SPART: variants seen among roughly 807,000 people sequenced by gnomAD.
SPART encodes the protein spartin.
Under a neutral mutation model 58.7 loss-of-function variants are expected in SPART, and 35 were observed. The ratio of observed to expected loss-of-function variants is 0.60; its 90% CI spans 0.46 to 0.79. The LOEUF is 0.79. SPART is among the 30% of genes least tolerant of loss of function. SPART has a pLI of 0.00. For synonymous variants in SPART, 284 were observed against 280.7 expected (o/e 1.01, Z -0.12); for missense variants, 730 against 786.1 (o/e 0.93, Z 0.85).
At chr13:36,324,842 C>G (rs1882755601) in intron 5 of SPART, among the ~76,000 whole-genome samples, 1 of 152,072 alleles carries the variant, frequency 6.6e-6, no homozygotes, top group Non-Finnish European at 1.5e-5. Flanking sequence ...AGGAAAATTA[C>G]AGTCAAAGGG....
At chr13:36,332,266 G>GT (rs909747542) in intron 2 of SPART, among the ~76,000 whole-genome samples, 35 of 152,314 alleles carry the variant, frequency 2.3e-4, no homozygotes, top group African/African-American at 8.2e-4. Flanking sequence ...CCAAGGAGAG[G>GT]TGGGGGGATT....
chr13:36,326,714 G>A lies in SPART; in HGVS notation c.1165-16C>T. On this transcript the variant is annotated splice_polypyrimidine_tract_variant and intron_variant, in intron 4 of 8. Coordinates refer to ENST00000438666, the MANE Select transcript of SPART (RefSeq NM_015087.5). ...TATCTTTAGCCTAAACAGTAAAAAT[G>A]TTTCAAAATGTGAAGAGTTAGTACT... The A allele has an allele frequency of 6.2e-7, 1 of 1,611,672 alleles. No homozygotes were observed. Among genetic ancestry groups the A allele is most frequent in the Non-Finnish European group, 8.5e-7 (1 of 1,179,478 alleles).
intron 3 of SPART, among the ~76,000 whole-genome samples, chr13:36,330,656 C>T (rs1883376804): frequency 6.6e-6 from 1 of 152,146 alleles, no homozygotes; most frequent in African/African-American, 2.4e-5. Flanking sequence ...CTTGCTACAA[C>T]AATATATAAA....
chr13:36,306,769 A>C (rs2137270281), intron 8 of SPART, among the ~76,000 whole-genome samples: 1 of 152,360 alleles, frequency 6.6e-6, no homozygotes, highest in South Asian at 2.1e-4. Flanking sequence ...CAGAATATTC[A>C]GAAAACTAGA....
At chr13:36,348,043 C>G (rs764684915), upstream of SPART, among the ~76,000 whole-genome samples, 2 of 152,066 alleles carry the variant, frequency 1.3e-5, no homozygotes, top group Non-Finnish European at 2.9e-5. Flanking sequence ...CCCAGCTACT[C>G]CAGAGGCCGA....
intron 1 of SPART, among the ~76,000 whole-genome samples, chr13:36,342,837 T>C (rs115681752): frequency 0.013 from 1,941 of 152,320 alleles, 46 homozygotes; most frequent in African/African-American, 0.044. Flanking sequence ...TACTTCTCAC[T>C]AAACTGATCT....
At chr13:36,337,670 G>C (rs1884151619) in intron 1 of SPART, among the ~76,000 whole-genome samples, 1 of 152,132 alleles carries the variant, frequency 6.6e-6, no homozygotes, top group Admixed American at 6.5e-5. Flanking sequence ...CCAGTCTTGG[G>C]CAGTTCTTTA....
At chr13:36,305,904 C>G (rs766378028) in intron 8 of SPART, among the ~76,000 whole-genome samples, 5 of 152,138 alleles carry the variant, frequency 3.3e-5, no homozygotes, top group Non-Finnish European at 5.9e-5. Flanking sequence ...ATCTGGACAT[C>G]TTATATAACA....
At chr13:36,320,781 A>T (rs1882296997) in intron 5 of SPART, among the ~76,000 whole-genome samples, 1 of 152,184 alleles carries the variant, frequency 6.6e-6, no homozygotes, top group Non-Finnish European at 1.5e-5. Context: ...AGGCCACTGC[A>T]GTCATTTCTT....
Position 36,304,312 on chromosome 13 carries a change from C to T in SPART, c.*53G>A. The T allele has an allele frequency of 1.2e-6, 2 of 1,610,334 alleles. No homozygotes were observed. Among genetic ancestry groups the T allele is most frequent in the Non-Finnish European group, 8.5e-7 (1 of 1,177,404 alleles). On this transcript the variant is annotated 3_prime_UTR_variant, in exon 9 of 9. Coordinates refer to ENST00000438666, the MANE Select transcript of SPART (RefSeq NM_015087.5). ...AGGAATTCCACATTTGCCTATTTAA[C>T]AAAATTTCATCCATTTCATAAGGCT... is the stretch of plus-strand genomic sequence containing the variant.
intron 8 of SPART, among the ~76,000 whole-genome samples, chr13:36,307,382 T>G (rs1470652939): frequency 6.6e-6 from 1 of 152,112 alleles, no homozygotes; most frequent in Non-Finnish European, 1.5e-5. Flanking sequence ...TACCCCTTCA[T>G]CCAGTGCAAA....
chr13:36,323,975 G>GAGACCT (rs1882667288), intron 5 of SPART, among the ~76,000 whole-genome samples: 1 of 152,182 alleles, frequency 6.6e-6, no homozygotes, highest in Non-Finnish European at 1.5e-5. Flanking sequence ...AATCTACAAA[G>GAGACCT]AGACCTCTTC....
At chr13:36,350,642 A>G (rs1166383783), upstream of SPART, among the ~76,000 whole-genome samples, 1 of 152,148 alleles carries the variant, frequency 6.6e-6, no homozygotes, top group Non-Finnish European at 1.5e-5. Context: ...TTCTTACCAG[A>G]TCCTTCTAAA....
Position 36,327,725 on chromosome 13 carries a change from T to C in SPART, c.1165-1027A>G, listed in dbSNP as rs147077815. Among the ~76,000 whole-genome samples, 158 of 152,296 alleles carry C rather than the reference T, an allele frequency of 1.0e-3. 5 individuals are homozygous for C. In the East Asian group the frequency reaches 0.027, roughly 26 times the overall value. Reference sequence around the variant, plus strand: ...GTCTGAGGGCAGGCATGCTGGCTCATGCCTGTAATCCCAGCACTTTGGGAG... The same window carrying C: ...GTCTGAGGGCAGGCATGCTGGCTCACGCCTGTAATCCCAGCACTTTGGGAG... On this transcript the variant is annotated intron_variant, in intron 4 of 8. Transcript: ENST00000438666.
intron 5 of SPART, among the ~76,000 whole-genome samples, chr13:36,322,047 A>G (rs1420872772): frequency 6.6e-6 from 1 of 151,528 alleles, no homozygotes; most frequent in East Asian, 1.9e-4. Flanking sequence ...TCCTTTACCT[A>G]CCCAAATCCT....
intron 4 of SPART, among the ~76,000 whole-genome samples, chr13:36,327,695 T>C (rs1883066138): frequency 6.6e-6 from 1 of 152,170 alleles, no homozygotes; most frequent in African/African-American, 2.4e-5. Context: ...AGTTAATAAT[T>C]ATGTGTCTGA....
At chr13:36,335,960 T>A in intron 1 of SPART, 128 bp from the exon 2 acceptor site, 2 of 750,534 alleles carry the variant, frequency 2.7e-6, no homozygotes, top group Non-Finnish European at 4.6e-6. Flanking sequence ...ACTATTATAC[T>A]ATCCTTTAAG....
intron 1 of SPART, chr13:36,345,580 A>G (rs1039594158): frequency 6.6e-6 from 1 of 152,172 alleles, no homozygotes; most frequent in African/African-American, 2.4e-5. Flanking sequence ...AAAGTGAAAA[A>G]CTGGGTCAGC....
chr13:36,368,746 G>A (rs1388471660), intron 1 of SPART, among the ~76,000 whole-genome samples: 1 of 152,214 alleles, frequency 6.6e-6, no homozygotes, highest in Non-Finnish European at 1.5e-5. Context: ...GCTCACGCCT[G>A]TAATCCCAGC....
Sources: allele counts gnomAD v4.1 joint callset (sites outside exome capture counted in the v4.1 genomes callset), GRCh38; gene constraint gnomAD v4.1.1; transcripts MANE v1.5; gene names NCBI Gene and HGNC (gene_info 2026-07-23, HGNC 2026-07-21).